The following PAG1 variants were observed in gnomAD, a reference collection of about 807,000 sequenced individuals.
PAG1 encodes the protein phosphoprotein membrane anchor with glycosphingolipid microdomains 1, also known as phosphoprotein associated with glycosphingolipid-enriched microdomains 1.
In PAG1, 23 loss-of-function variants were observed where a neutral mutation model predicts 31.7. That is an observed-to-expected ratio of 0.73 (90% CI 0.52 to 1.03). The LOEUF is 1.03. Ranked by LOEUF, PAG1 falls within the 50% of genes least tolerant of loss-of-function variation. PAG1 has a pLI of 0.00. For synonymous variants in PAG1, 214 were observed against 210.3 expected, an observed-to-expected ratio of 1.02 and a Z score of -0.15; for missense variants, 473 against 540.7, an observed-to-expected ratio of 0.87 and a Z score of 1.24.
In PAG1 at chr8:81,009,753, C is replaced by T. The variant is rs147427111; in HGVS notation, c.-80-16446G>A. On this transcript the variant is annotated intron_variant, in intron 3 of 8. Coordinates refer to ENST00000220597, the MANE Select transcript of PAG1 (RefSeq NM_018440.4). Reference sequence around the variant, plus strand: ...TAGGCCTCTTAAGTAACTAGGACTACAGGCATGTACCACCACATCTGGTTA... The same window carrying T: ...TAGGCCTCTTAAGTAACTAGGACTATAGGCATGTACCACCACATCTGGTTA... Among the ~76,000 whole-genome samples, 300 of 152,264 alleles carry T rather than the reference C, an allele frequency of 2.0e-3. 3 individuals are homozygous for T. Among genetic ancestry groups the T allele is most frequent in the African/African-American group, 6.8e-3 (284 of 41,550 alleles).
rs1257301729 is a variant in PAG1 at position 80,972,646 on chromosome 8, G to A, written c.*3898C>T. The stretch of plus-strand genomic sequence containing the variant: ...TTCCTCCTCTCAGGCTGAGTCAAAA[G>A]TAAGTCACATGTATAACAAAACTGT... On this transcript the variant is annotated 3_prime_UTR_variant, in exon 9 of 9. Coordinates refer to ENST00000220597, the MANE Select transcript of PAG1 (RefSeq NM_018440.4). The A allele has an allele frequency of 2.6e-5, 4 of 152,150 alleles. No individual in the cohort carries two copies. Among genetic ancestry groups the A allele is most frequent in the Non-Finnish European group, 5.9e-5 (4 of 68,024 alleles). 9.4% of individuals were successfully genotyped at this position (152,150 alleles called of 1,614,324 possible).
intron 5 of PAG1, among the ~76,000 whole-genome samples, chr8:80,989,499 G>A (rs1056719528): frequency 6.6e-6 from 1 of 152,202 alleles, no homozygotes; most frequent in Non-Finnish European, 1.5e-5. Flanking sequence ...GTACATGGGT[G>A]CCAGTGTCCG....
At chr8:81,100,854 T>C (rs936554809) in intron 1 of PAG1, among the ~76,000 whole-genome samples, 2 of 152,190 alleles carry the variant, frequency 1.3e-5, no homozygotes, top group East Asian at 3.8e-4. Flanking sequence ...TTTTAGGAAA[T>C]GTGGAGCTGT....
chr8:81,104,650 CT>C (rs1809663293), intron 1 of PAG1, among the ~76,000 whole-genome samples: 1 of 152,088 alleles, frequency 6.6e-6, no homozygotes, highest in Non-Finnish European at 1.5e-5. Flanking sequence ...CAATGGCAGC[CT>C]TATGGATTCA....
At chr8:81,002,522 A>G (rs1807804812) in intron 3 of PAG1, among the ~76,000 whole-genome samples, 1 of 152,208 alleles carries the variant, frequency 6.6e-6, no homozygotes, top group Non-Finnish European at 1.5e-5. Context: ...TGTCAAAGGA[A>G]TGTCAACAGA....
At chr8:81,043,851 T>C (rs2623025) in intron 2 of PAG1, among the ~76,000 whole-genome samples, 36,589 of 152,180 alleles carry the variant, frequency 0.24, 4,445 homozygotes, top group Middle Eastern at 0.3. Flanking sequence ...TGGATTTCAC[T>C]ACCAATCAAT....
At chr8:81,055,957 T>G (rs1162510437) in intron 2 of PAG1, among the ~76,000 whole-genome samples, 1 of 152,076 alleles carries the variant, frequency 6.6e-6, no homozygotes, top group Non-Finnish European at 1.5e-5. Context: ...ATTTCTTTCT[T>G]CTGCCTGATT....
Position 81,069,039 on chromosome 8 carries a change from G to A in PAG1, c.-175+1073C>T, listed in dbSNP as rs193106305. On this transcript the variant is annotated intron_variant, in intron 2 of 8. Transcript: ENST00000220597. Reference sequence around the variant, plus strand: ...AGGAGATCAGAGGAAGGCGTTTTTAGAATGTGGATAATCAAAGGTCTTAAT... The same window carrying A: ...AGGAGATCAGAGGAAGGCGTTTTTAAAATGTGGATAATCAAAGGTCTTAAT... Among the ~76,000 whole-genome samples the A allele has an allele frequency of 1.5e-3, 225 of 152,302 alleles. 6 individuals carry two copies. The East Asian group carries it at 0.041, about 28-fold the overall frequency.
At chr8:81,031,260 T>C (rs939017230) in intron 2 of PAG1, among the ~76,000 whole-genome samples, 2 of 152,250 alleles carry the variant, frequency 1.3e-5, no homozygotes, top group Non-Finnish European at 2.9e-5. Flanking sequence ...TTAATAAGTT[T>C]AAAAAGATCA....
At position 81,081,286 on chromosome 8, in the gene PAG1, TA is replaced by T. The variant is rs1345257889; in HGVS notation, c.-233-11117del. 2.0e-5 allele frequency among the ~76,000 whole-genome samples: 3 copies of T among 152,302 alleles called. No individual in the cohort carries two copies. The South Asian group carries it at 6.2e-4, about 32-fold the overall frequency. ...CTGAACTTGGACATGCAAAGTTCTT[TA>T]TATATGATATAGCATTGTGTTTTCA... On this transcript the variant is annotated intron_variant, in intron 1 of 8. Coordinates refer to ENST00000220597, the MANE Select transcript of PAG1 (RefSeq NM_018440.4).
chr8:81,030,818 T>C (rs148708622), intron 2 of PAG1, among the ~76,000 whole-genome samples: 393 of 152,284 alleles, frequency 2.6e-3, no homozygotes, highest in African/African-American at 9.0e-3. Flanking sequence ...CTCTCCCATA[T>C]TGAACACTCA....
intron 2 of PAG1, among the ~76,000 whole-genome samples, chr8:81,056,151 A>G (rs964725271): frequency 6.6e-6 from 1 of 152,182 alleles, no homozygotes; most frequent in Non-Finnish European, 1.5e-5. Context: ...TAATTTGTTG[A>G]GAGTTTTTAG....
At chr8:81,019,000 G>C (rs1808117448) in intron 3 of PAG1, among the ~76,000 whole-genome samples, 1 of 152,158 alleles carries the variant, frequency 6.6e-6, no homozygotes, top group African/African-American at 2.4e-5. Flanking sequence ...ATAGTGATAT[G>C]GACAATAAAG....
At chr8:81,037,771 T>C (rs1433297709) in intron 2 of PAG1, among the ~76,000 whole-genome samples, 1 of 152,248 alleles carries the variant, frequency 6.6e-6, no homozygotes, top group African/African-American at 2.4e-5. Flanking sequence ...CAGAGGATAT[T>C]CATTCAGTCA....
intron 7 of PAG1, among the ~76,000 whole-genome samples, chr8:80,984,033 A>G (rs1454535215): frequency 6.6e-6 from 1 of 152,210 alleles, no homozygotes; most frequent in Non-Finnish European, 1.5e-5. Flanking sequence ...CCTTCCTACT[A>G]AAACTGAATA....
Position 81,027,322 on chromosome 8 carries a change from A to G in PAG1, c.-81+2674T>C, listed in dbSNP as rs368107301. Among the ~76,000 whole-genome samples the G allele has an allele frequency of 8.5e-5, 13 of 152,338 alleles. No individual in the cohort carries two copies. The East Asian group carries it at 2.1e-3, about 25-fold the overall frequency. On this transcript the variant is annotated intron_variant, in intron 3 of 8. Transcript: ENST00000220597. ...TGGCCAATTTCTATACATTTTTAAA[A>G]AGACGAACAAATGCATCATCAAAAA... is the stretch of plus-strand genomic sequence containing the variant.
chr8:81,029,366 A>T (rs1871765), intron 3 of PAG1, among the ~76,000 whole-genome samples: 67,114 of 144,068 alleles, frequency 0.47, 18,097 homozygotes, highest in Non-Finnish European at 0.61. Flanking sequence ...TCTCTCTCTC[A>T]CACACACACA....
intron 4 of PAG1, among the ~76,000 whole-genome samples, chr8:80,992,648 T>C (rs887061539): frequency 2.0e-5 from 3 of 152,178 alleles, no homozygotes; most frequent in Admixed American, 2.0e-4. Flanking sequence ...GAAAATAATC[T>C]GTTTCTTGAG....
chr8:81,106,659 T>C (rs1015592918), intron 1 of PAG1, among the ~76,000 whole-genome samples: 1 of 152,172 alleles, frequency 6.6e-6, no homozygotes. Flanking sequence ...GGGGATGATA[T>C]GAATTAACTT....
Sources: gnomAD v4.1 joint callset for allele counts (sites outside exome capture counted in the v4.1 genomes callset) on GRCh38, gnomAD v4.1.1 for gene constraint, MANE v1.5 for transcripts, NCBI Gene and HGNC (gene_info 2026-07-23, HGNC 2026-07-21) for gene names.